Variants in EPHA8 observed in about 807,000 individuals in gnomAD.
The protein encoded by EPHA8 is EPH receptor A8, also known as ephrin type-A receptor 8.
Under a neutral mutation model 103.6 loss-of-function variants are expected in EPHA8, and 58 were observed. That is an observed-to-expected ratio of 0.56 (90% CI 0.45 to 0.70). The LOEUF (loss-of-function observed/expected upper bound fraction) is 0.70, where lower values mean the gene tolerates loss of function less well. Among genes scored for constraint, EPHA8 ranks in the 30% least tolerant of loss-of-function variants. The pLI is 0.00. For synonymous variants in EPHA8, 559 were observed against 572.5 expected, an observed-to-expected ratio of 0.98 and a Z score of 0.34; for missense variants, 1,304 against 1,395.2, an observed-to-expected ratio of 0.93 and a Z score of 1.04.
At position 22,603,297 on chromosome 1, in the gene EPHA8, A is replaced by G. The variant is rs923985235; in HGVS notation, c.*1556A>G. ...GCCGCGGCCAGCTCTCTACACCTCT[A>G]TATATTATATTACTATATAGCCGAG... On this transcript the variant is annotated 3_prime_UTR_variant, in exon 17 of 17. Transcript: ENST00000166244. 2 of 152,306 alleles carry G rather than the reference A, an allele frequency of 1.3e-5. No homozygotes were observed. Among genetic ancestry groups the G allele is most frequent in the Non-Finnish European group, 1.5e-5 (1 of 68,034 alleles). The allele number at this position is 152,306 out of a possible 1,614,324, so 9.4% of individuals were successfully genotyped here. A position where few individuals can be genotyped will look rare whatever the true frequency, so the allele number is the denominator to read the frequency against.
intron 3 of EPHA8, among the ~76,000 whole-genome samples, chr1:22,586,210 G>A (rs532271451): frequency 2.5e-4 from 38 of 152,284 alleles, no homozygotes; most frequent in African/African-American, 9.1e-4. Context: ...ATGCTCAGGG[G>A]TGGGGCTCAC....
Position 22,601,690 on chromosome 1 carries a change from G to C in EPHA8, c.2967G>C (p.Gln989His). The change falls in exon 17 of 17, where the codon CAG becomes CAC. Residue 989 changes from glutamine (Q) to histidine (H), a missense_variant. Gln to His is a conservative substitution (Grantham distance 24). Coordinates refer to ENST00000166244, the MANE Select transcript of EPHA8 (RefSeq NM_020526.5). ...AGAAGAAGATCCTGGGCAGCATTCA[G>C]ACCATGCGGGCCCAGCTGACCAGCA... ...GHQKKILGSI[Q>H]TMRAQLTSTQ... 1 of 1,586,842 alleles carries C rather than the reference G, an allele frequency of 6.3e-7. No homozygotes were observed. The highest frequency in any genetic ancestry group is 8.6e-7 in the Non-Finnish European group (1 of 1,166,566).
intron 3 of EPHA8, among the ~76,000 whole-genome samples, chr1:22,585,947 C>T (rs10917260): frequency 0.23 from 35,183 of 151,990 alleles, 4,113 homozygotes; most frequent in South Asian, 0.4. Context: ...TGTTTGGGAG[C>T]AATGGGTCTT....
In EPHA8 at chr1:22,586,599, C is replaced by G; in HGVS notation, c.943C>G (p.Arg315Gly). Residue 315 changes from arginine to glycine, a missense_variant, in exon 4 of 17, where the codon CGT (arginine) becomes GGT (glycine). Transcript: ENST00000166244. ...CTGCCACTGTGACCTCAGCTACTAC[C>G]GTGCAGCCCTGGACCCGCCGTCCTC... ...QACHCDLSYY[R>G]AALDPPSSAC... is the part of the protein sequence containing the mutation. 6.2e-7 allele frequency: 1 copy of G among 1,614,002 alleles called. No individual in the cohort carries two copies. Among genetic ancestry groups the G allele is most frequent in the Non-Finnish European group, 8.5e-7 (1 of 1,179,992 alleles).
At chr1:22,599,072 C>G in intron 13 of EPHA8, 25 bp downstream of exon 13, 1 of 1,573,496 alleles carries the variant, frequency 6.4e-7, no homozygotes, top group Non-Finnish European at 8.6e-7. Flanking sequence ...CTCCTTCCGG[C>G]TAGACTGGGG....
intron 3 of EPHA8, among the ~76,000 whole-genome samples, chr1:22,583,638 T>A (rs1288966112): frequency 6.6e-6 from 1 of 152,214 alleles, no homozygotes; most frequent in Admixed American, 6.5e-5. Context: ...TGGCATGAAT[T>A]TATGTGTCTT....
rs546150 is a variant in EPHA8 at position 22,582,577 on chromosome 1, A to C, written c.824-3903A>C. 9.2e-3 allele frequency among the ~76,000 whole-genome samples: 1,401 copies of C among 152,326 alleles called. 20 individuals carry two copies. Among genetic ancestry groups the C allele is most frequent in the African/African-American group, 0.032 (1,332 of 41,564 alleles). On this transcript the variant is annotated intron_variant, in intron 3 of 16. Transcript: ENST00000166244. ...CCATGTGGGGTTCGTCCAGTTTACC[A>C]CTGGGGAATTGGAGGCCCAGAGAAG...
chr1:22,578,457 T>TATGCATGTGTGTGC (rs1491254352), intron 3 of EPHA8, among the ~76,000 whole-genome samples: 1 of 143,568 alleles, frequency 7.0e-6, no homozygotes, highest in African/African-American at 2.6e-5. Flanking sequence ...TGTGCGAGTG[T>TATGCATGTGTGTGC]ATGCATGTGT....
intron 3 of EPHA8, among the ~76,000 whole-genome samples, chr1:22,578,542 T>C (rs1056870059): frequency 6.9e-6 from 1 of 144,094 alleles, no homozygotes; most frequent in Non-Finnish European, 1.5e-5. Flanking sequence ...TGCGTGCATG[T>C]GTGCGTGAGT....
rs377088112 is a variant in EPHA8, at chr1:22,589,115, C to T, written c.1224C>T (p.Tyr408=). Residue 408 remains tyrosine, a synonymous_variant, in exon 5 of 17, where the codon TAC becomes TAT. Coordinates refer to ENST00000166244, the MANE Select transcript of EPHA8 (RefSeq NM_020526.5). The surrounding 1 kb of genome is among the most constrained non-coding windows in gnomAD (Gnocchi z 4.3). ...LVANLLAHMN[Y]SFWIEAVNGV... ...CCAACCTGCTGGCCCACATGAACTA[C>T]TCCTTCTGGATCGAGGCCGTCAATG... The T allele has an allele frequency of 1.1e-5, 18 of 1,613,734 alleles. No homozygotes were observed. In the African/African-American group the frequency reaches 1.6e-4, roughly 14 times the overall value.
In EPHA8 at chr1:22,589,306, C is replaced by T; in HGVS notation, c.1315+100C>T. 6.2e-7 allele frequency: 1 copy of T among 1,611,992 alleles called. No individual in the cohort carries two copies. The highest frequency in any genetic ancestry group is 8.5e-7 in the Non-Finnish European group (1 of 1,179,528). On this transcript the variant is annotated intron_variant, in intron 5 of 16. Coordinates refer to ENST00000166244, the MANE Select transcript of EPHA8 (RefSeq NM_020526.5). This position sits in a 1 kb window ranked among gnomAD's most constrained non-coding sequence, Gnocchi z 4.3. ...AGCTCTGCCGGGGACGTGCTGTGGG[C>T]CTTTAGGCAAGTGCCTCTCTGGCCC...
At chr1:22,586,425 A>C (rs1210198933) in intron 3 of EPHA8, 55 bp from the exon 4 acceptor site, 14 of 1,590,942 alleles carry the variant, frequency 8.8e-6, no homozygotes, top group Non-Finnish European at 1.2e-5. Flanking sequence ...AGCGGTCCCC[A>C]AGGCCAGCCA....
Position 22,597,734 on chromosome 1 carries a change from C to T in EPHA8, c.1989C>T (p.Pro663=), listed in dbSNP as rs199791152. ...GGGTGCCAGGGCAGCGGGATGTGCC[C>T]GTGGCCATCAAGGCCCTCAAAGCCG... is the stretch of plus-strand genomic sequence containing the variant. ...RLRVPGQRDV[P]VAIKALKAGY... Residue 663 remains proline (P), a synonymous_variant, in exon 11 of 17, where the codon CCC becomes CCT. Coordinates refer to ENST00000166244, the MANE Select transcript of EPHA8 (RefSeq NM_020526.5). The surrounding 1 kb of genome is among the most constrained non-coding windows in gnomAD (Gnocchi z 4.6). 7.7e-4 allele frequency: 1,247 copies of T among 1,612,986 alleles called. 9 individuals carry two copies. The highest frequency in any genetic ancestry group is 6.4e-3 in the South Asian group (585 of 91,076).
In EPHA8 at chr1:22,569,173, C is replaced by G. The variant is rs535777973; in HGVS notation, c.95-116C>G. On this transcript the variant is annotated intron_variant, in intron 1 of 16. Coordinates refer to ENST00000166244, the MANE Select transcript of EPHA8 (RefSeq NM_020526.5). This position sits in a 1 kb window ranked among gnomAD's most constrained non-coding sequence, Gnocchi z 4.5. ...GAAAGGGCATTCAGGCAGAGGGACC[C>G]GTGTGAGCTGTGTGCTGGGGGCTGA... 1.1e-6 allele frequency: 1 copy of G among 945,404 alleles called. No individual in the cohort carries two copies. The highest frequency in any genetic ancestry group is 1.7e-6 in the Non-Finnish European group (1 of 597,672). 58.6% of individuals were successfully genotyped at this position (945,404 alleles called of 1,614,324 possible).
At chr1:22,578,135 C>CGTG (rs1557559484) in intron 3 of EPHA8, among the ~76,000 whole-genome samples, 19 of 76,388 alleles carry the variant, frequency 2.5e-4, no homozygotes, top group Non-Finnish European at 4.5e-4. Flanking sequence ...TGCATGTGTG[C>CGTG]ATGTGTGTAT....
intron 16 of EPHA8, 58 bp downstream of exon 16, chr1:22,601,531 G>A (rs1641734483): frequency 2.5e-6 from 4 of 1,601,160 alleles, no homozygotes; most frequent in Non-Finnish European, 3.4e-6. Flanking sequence ...GGGGACCCCT[G>A]CCGGGGAGGC....
At chr1:22,595,396 C>A in intron 8 of EPHA8, 73 bp downstream of exon 8, 2 of 1,325,458 alleles carry the variant, frequency 1.5e-6, no homozygotes, top group Non-Finnish European at 2.1e-6. Context: ...CCCAGCCCCA[C>A]CGAGCCGGTG....
chr1:22,578,481 AGT>A lies in EPHA8; in HGVS notation c.823+1607_823+1608del, dbSNP rs1024843126. On this transcript the variant is annotated intron_variant, in intron 3 of 16. Coordinates refer to ENST00000166244, the MANE Select transcript of EPHA8 (RefSeq NM_020526.5). ...GTATGCATGTGTGTGCATGTGCATG[AGT>A]GTGTGCATGTGTGCATGAGTGCATT... Among the ~76,000 whole-genome samples, 243 of 98,712 alleles carry A rather than the reference AGT, an allele frequency of 2.5e-3. 1 individual carries two copies. The highest frequency in any genetic ancestry group is 8.6e-3 in the African/African-American group (227 of 26,278). 64.8% of individuals were successfully genotyped at this position (98,712 alleles called of 152,430 possible).
intron 7 of EPHA8, among the ~76,000 whole-genome samples, chr1:22,594,595 G>A (rs569652688): frequency 2.6e-5 from 4 of 152,326 alleles, no homozygotes. Flanking sequence ...ATCTCCAGCC[G>A]GAGTCAGGGT....
Sources: allele counts gnomAD v4.1 joint callset (sites outside exome capture counted in the v4.1 genomes callset), GRCh38; gene constraint gnomAD v4.1.1; non-coding constraint Gnocchi (gnomAD v3.1); transcripts MANE v1.5; gene names NCBI Gene and HGNC (gene_info 2026-07-23, HGNC 2026-07-21).